IQGAP2: variants seen among roughly 807,000 people sequenced by gnomAD.
The protein encoded by IQGAP2 is IQ motif containing GTPase activating protein 2.
In IQGAP2, 173 loss-of-function variants were observed where a neutral mutation model predicts 201.3. The ratio of observed to expected loss-of-function variants is 0.86; its 90% CI spans 0.76 to 0.98. IQGAP2 has a LOEUF of 0.98. Among genes scored for constraint, IQGAP2 ranks in the 50% least tolerant of loss-of-function variants. IQGAP2 has a pLI of 0.00. For missense variants in IQGAP2, 1,687 were observed against 1,864.8 expected, an observed-to-expected ratio of 0.90 and a Z score of 1.76; for synonymous variants, 675 against 673.9, an observed-to-expected ratio of 1.00 and a Z score of -0.03.
intron 13 of IQGAP2, among the ~76,000 whole-genome samples, chr5:76,627,102 G>C (rs1193471634): frequency 6.6e-6 from 1 of 152,150 alleles, no homozygotes; most frequent in African/African-American, 2.4e-5. Flanking sequence ...GGGATCCTCT[G>C]GGCCCTCTGT....
chr5:76,664,649 C>T (rs979889747), intron 21 of IQGAP2, among the ~76,000 whole-genome samples: 1 of 151,620 alleles, frequency 6.6e-6, no homozygotes, highest in African/African-American at 2.4e-5. Context: ...CACCACTGCA[C>T]TCCAGCCTGG....
Position 76,618,519 on chromosome 5 carries a change from G to A in IQGAP2, c.1521+7336G>A, listed in dbSNP as rs372087578. On this transcript the variant is annotated intron_variant, in intron 13 of 35. Transcript: ENST00000274364. ...AGGGCACTTAATTTTTACAGTAATC[G>A]TGGCTCCTGTCCAGCCTTCCAAGGC... 156 of 1,614,118 alleles carry A rather than the reference G, an allele frequency of 9.7e-5. No individual in the cohort carries two copies. The African/African-American group carries it at 1.4e-3, about 14-fold the overall frequency.
chr5:76,707,293 A>G lies in IQGAP2; in HGVS notation c.4708A>G (p.Lys1570Glu), dbSNP rs1747992324. The G allele has an allele frequency of 7.2e-6, 11 of 1,533,348 alleles. No homozygotes were observed. Among genetic ancestry groups the G allele is most frequent in the Non-Finnish European group, 9.0e-6 (10 of 1,106,958 alleles). 95.0% of individuals were successfully genotyped at this position (1,533,348 alleles called of 1,614,324 possible). ...AAACCTTCTCATATACCTGCTGAAC[A>G]AGAAGTTCTATGGAAAGTGAAGTGC... is the stretch of plus-strand genomic sequence containing the variant. ...NVNLLIYLLN[K>E]KFYGK The change falls in exon 36 of 36, where the codon AAG becomes GAG. Residue 1570 changes from lysine to glutamate, a missense_variant. Coordinates refer to ENST00000274364, the MANE Select transcript of IQGAP2 (RefSeq NM_006633.5).
chr5:76,672,127 A>T lies in IQGAP2; in HGVS notation c.3068+144A>T. The T allele has an allele frequency of 4.7e-6, 3 of 642,364 alleles. No individual in the cohort carries two copies. The Admixed American group carries it at 8.7e-5, about 19-fold the overall frequency. 39.8% of individuals were successfully genotyped at this position (642,364 alleles called of 1,614,324 possible). ...AATGTTACCTCCCTTTAACATATCC[A>T]TGCAAATTACATCTTGATACTAAAT... On this transcript the variant is annotated intron_variant, in intron 24 of 35. Coordinates refer to ENST00000274364, the MANE Select transcript of IQGAP2 (RefSeq NM_006633.5).
intron 3 of IQGAP2, among the ~76,000 whole-genome samples, chr5:76,562,763 T>C (rs1744473377): frequency 6.6e-6 from 1 of 152,180 alleles, no homozygotes; most frequent in South Asian, 2.1e-4. Context: ...ACCTCTGACT[T>C]ATGGGGCTTC....
chr5:76,683,267 G>T, intron 29 of IQGAP2, 50 bp downstream of exon 29: 2 of 1,322,238 alleles, frequency 1.5e-6, no homozygotes, highest in Non-Finnish European at 2.1e-6. Context: ...TTAATTGGGT[G>T]GGTTGGTTGG....
At chr5:76,533,018 C>G (rs1051611203) in intron 2 of IQGAP2, among the ~76,000 whole-genome samples, 1 of 152,242 alleles carries the variant, frequency 6.6e-6, no homozygotes, top group Non-Finnish European at 1.5e-5. Flanking sequence ...TATTCCTACT[C>G]TTTCCCCAAT....
At chr5:76,639,559 G>A (rs922459528) in intron 16 of IQGAP2, among the ~76,000 whole-genome samples, 5 of 152,124 alleles carry the variant, frequency 3.3e-5, no homozygotes, top group African/African-American at 4.8e-5. Flanking sequence ...ATGGATCCAC[G>A]CGTCATAATA....
intron 15 of IQGAP2, among the ~76,000 whole-genome samples, chr5:76,634,442 T>C (rs913389801): frequency 1.3e-5 from 2 of 152,058 alleles, no homozygotes; most frequent in Non-Finnish European, 2.9e-5. Context: ...TATTTTTTAG[T>C]AGAGACGGGG....
Position 76,403,855 on chromosome 5 carries a change from G to T in IQGAP2, c.46+264G>T, listed in dbSNP as rs62363211. ...CCCAAACGGGGTGCGCGGGCAGTGC[G>T]GGGATTGCGCTCTGGGACAGACCAG... On this transcript the variant is annotated intron_variant, in intron 1 of 35. Coordinates refer to ENST00000274364, the MANE Select transcript of IQGAP2 (RefSeq NM_006633.5). This position sits in a 1 kb window ranked among gnomAD's most constrained non-coding sequence, Gnocchi z 4.8. 6.6e-6 allele frequency among the ~76,000 whole-genome samples: 1 copy of T among 152,028 alleles called. No individual in the cohort carries two copies. The highest frequency in any genetic ancestry group is 1.5e-5 in the Non-Finnish European group (1 of 68,016).
intron 2 of IQGAP2, among the ~76,000 whole-genome samples, chr5:76,553,247 A>C (rs1286215503): frequency 1.3e-5 from 2 of 152,254 alleles, no homozygotes; most frequent in African/African-American, 4.8e-5. Flanking sequence ...TATGCTATAC[A>C]TAAAAACAAA....
chr5:76,450,160 T>C (rs1753644445), intron 1 of IQGAP2, among the ~76,000 whole-genome samples: 1 of 152,210 alleles, frequency 6.6e-6, no homozygotes, highest in African/African-American at 2.4e-5. Flanking sequence ...TTCTTTCCCA[T>C]GAGAGAGCTG....
At chr5:76,502,803 A>G (rs1757350851) in intron 2 of IQGAP2, among the ~76,000 whole-genome samples, 1 of 152,160 alleles carries the variant, frequency 6.6e-6, no homozygotes, top group Admixed American at 6.5e-5. Context: ...TGGTGCAGTC[A>G]TAGCTTGCTG....
intron 2 of IQGAP2, among the ~76,000 whole-genome samples, chr5:76,541,416 G>A (rs576025151): frequency 2.0e-4 from 31 of 152,208 alleles, no homozygotes; most frequent in African/African-American, 6.7e-4. Flanking sequence ...ACCACATTTT[G>A]TTTATCTATT....
At chr5:76,674,808 A>G (rs1274527444) in intron 27 of IQGAP2, 99 bp downstream of exon 27, 3 of 833,874 alleles carry the variant, frequency 3.6e-6, no homozygotes, top group African/African-American at 3.4e-5. Flanking sequence ...GAGGACAGGA[A>G]CCCCAGGTGG....
At position 76,707,182 on chromosome 5, in the gene IQGAP2, T is replaced by C. The variant is rs75606686; in HGVS notation, c.4615-18T>C. ...AAATGTCAAAGTTGAGATTTAATGA[T>C]GCTTTTTACAATTTCAGGATTTACT... On this transcript the variant is annotated intron_variant, in intron 35 of 35. Coordinates refer to ENST00000274364, the MANE Select transcript of IQGAP2 (RefSeq NM_006633.5). 4,686 of 1,041,220 alleles carry C rather than the reference T, an allele frequency of 4.5e-3. 148 individuals carry two copies. In the African/African-American group the frequency reaches 0.065, roughly 14 times the overall value. The allele number at this position is 1,041,220 out of a possible 1,614,324, so 64.5% of individuals were successfully genotyped here. A position where few individuals can be genotyped will look rare whatever the true frequency, so the allele number is the denominator to read the frequency against.
chr5:76,651,889 C>A (rs1752544982), intron 17 of IQGAP2, among the ~76,000 whole-genome samples: 1 of 151,822 alleles, frequency 6.6e-6, no homozygotes, highest in Admixed American at 6.6e-5. Flanking sequence ...ATTTCATTTA[C>A]CCTTTTTAAA....
intron 2 of IQGAP2, chr5:76,547,483 G>A: frequency 1.3e-5 from 12 of 930,458 alleles, no homozygotes; most frequent in Non-Finnish European, 1.5e-5. Context: ...TAAGCTTGTT[G>A]CTTTCATTTT....
intron 1 of IQGAP2, among the ~76,000 whole-genome samples, chr5:76,435,339 A>T (rs1752594908): frequency 6.6e-6 from 1 of 152,072 alleles, no homozygotes; most frequent in South Asian, 2.1e-4. Flanking sequence ...CAGGTCTTAG[A>T]TTTAAGTCTT....
Sources: gnomAD v4.1 joint callset for allele counts (sites outside exome capture counted in the v4.1 genomes callset) on GRCh38, gnomAD v4.1.1 for gene constraint, Gnocchi (gnomAD v3.1) non-coding constraint, MANE v1.5 for transcripts, NCBI Gene and HGNC (gene_info 2026-07-23, HGNC 2026-07-21) for gene names.